Variants in WNK3 observed in about 807,000 individuals in gnomAD.
WNK3 encodes the protein serine/threonine-protein kinase WNK3.
A neutral mutation model predicts 116.7 loss-of-function variants in WNK3; 18 were observed. That is an observed-to-expected ratio of 0.15 (90% CI 0.11 to 0.23). WNK3 has a LOEUF of 0.23. Among genes scored for constraint, WNK3 ranks in the 10% least tolerant of loss-of-function variants. The pLI, the probability that WNK3 is intolerant of heterozygous loss-of-function variation, is 1.00. For synonymous variants in WNK3, 404 were observed against 469.4 expected (o/e 0.86, Z 1.80); for missense variants, 993 against 1,323.8 (o/e 0.75, Z 3.88).
At chrX:54,234,705 A>G (rs1312976675) in intron 20 of WNK3, among the ~76,000 whole-genome samples, 3 of 109,494 alleles carry the variant, frequency 2.7e-5, no homozygotes, top group Non-Finnish European at 3.8e-5. Flanking sequence ...GGGTGCCTAT[A>G]GTCCCAGCTA....
chrX:54,307,205 G>A (rs1246988445), intron 5 of WNK3, among the ~76,000 whole-genome samples: 6 of 100,519 alleles, frequency 6.0e-5, no homozygotes, highest in African/African-American at 1.5e-4. Flanking sequence ...AAAGCCTGGC[G>A]ACAGACTGTG....
At chrX:54,346,315 C>T (rs1179928906) in intron 1 of WNK3, among the ~76,000 whole-genome samples, 6 of 99,226 alleles carry the variant, frequency 6.0e-5, no homozygotes, top group African/African-American at 1.5e-4. Context: ...AACACAGGCT[C>T]GGTCGGCCGG....
exon 24 of WNK3, chrX:54,195,658 T>C (rs1269344131): frequency 2.7e-5 from 3 of 111,533 alleles, no homozygotes; most frequent in African/African-American, 9.7e-5. Flanking sequence ...CTCACTTTTT[T>C]CTGTATTTTT....
chrX:54,298,876 G>A (rs1472288623), intron 6 of WNK3, among the ~76,000 whole-genome samples: 4 of 112,049 alleles, frequency 3.6e-5, no homozygotes, highest in African/African-American at 1.3e-4. Flanking sequence ...CTCTTTTTAC[G>A]AATGTTATAA....
At chrX:54,346,737 G>C (rs1201479958) in intron 1 of WNK3, among the ~76,000 whole-genome samples, 6 of 111,105 alleles carry the variant, frequency 5.4e-5, no homozygotes, top group African/African-American at 1.6e-4. Flanking sequence ...TTGCATTTGT[G>C]AAGTCTCACA....
chrX:54,214,970 G>A (rs1351408681), intron 22 of WNK3, among the ~76,000 whole-genome samples: 1 of 108,690 alleles, frequency 9.2e-6, no homozygotes, highest in Non-Finnish European at 1.9e-5. Flanking sequence ...CCAAGATCAC[G>A]CCACTACGTG....
chrX:54,261,128 C>T (rs782510969), intron 10 of WNK3, among the ~76,000 whole-genome samples: 5 of 110,480 alleles, frequency 4.5e-5, no homozygotes, highest in Non-Finnish European at 9.5e-5. Flanking sequence ...AATATTCTGC[C>T]TGGGCATGGT....
intron 10 of WNK3, among the ~76,000 whole-genome samples, chrX:54,263,938 G>T (rs1291682938): frequency 9.2e-6 from 1 of 108,734 alleles, no homozygotes; most frequent in Admixed American, 9.9e-5. Context: ...GCCCAGACTG[G>T]AGTACAGCCC....
At chrX:54,318,612 G>A (rs1357661475) in intron 2 of WNK3, among the ~76,000 whole-genome samples, 2 of 107,988 alleles carry the variant, frequency 1.9e-5, no homozygotes, top group Non-Finnish European at 3.8e-5. Context: ...GAGGCAGGAG[G>A]ATCACTTGAG....
chrX:54,341,841 T>C (rs2069329931), intron 1 of WNK3, among the ~76,000 whole-genome samples: 1 of 111,918 alleles, frequency 8.9e-6, no homozygotes, highest in Admixed American at 9.6e-5. Flanking sequence ...TCAGGGATGA[T>C]GGTAATGAAC....
Position 54,334,072 on chromosome X carries a change from A to G in WNK3, c.-119-280T>C, listed in dbSNP as rs782341386. Among the ~76,000 whole-genome samples the G allele has an allele frequency of 5.4e-5, 6 of 110,581 alleles. No homozygotes were observed. In the South Asian group the frequency reaches 2.4e-3, roughly 44 times the overall value. The stretch of plus-strand genomic sequence containing the variant: ...TCTCAGCTCCATCTGTCAATCCATC[A>G]AATTCAAAATGAGTACCCAAACCCT... On this transcript the variant is annotated intron_variant, in intron 1 of 23. Coordinates refer to ENST00000354646, the Ensembl canonical transcript of WNK3.
At chrX:54,348,181 A>G (rs148028299) in intron 1 of WNK3, among the ~76,000 whole-genome samples, 1,940 of 109,352 alleles carry the variant, frequency 0.018, 48 homozygotes, top group African/African-American at 0.062. Flanking sequence ...GCTAGATCAA[A>G]GGAAATTTTT....
chrX:54,228,893 C>T (rs982583987), intron 21 of WNK3, 150 bp from the exon 22 acceptor site: 12 of 349,552 alleles, frequency 3.4e-5, no homozygotes, highest in Non-Finnish European at 6.2e-5. Context: ...TGGCAAAAGA[C>T]AGAAGGCTTT....
intron 1 of WNK3, among the ~76,000 whole-genome samples, chrX:54,344,232 A>G (rs1448286617): frequency 2.7e-5 from 3 of 111,513 alleles, no homozygotes; most frequent in Non-Finnish European, 5.7e-5. Flanking sequence ...TCACGAGGTC[A>G]GGAGATCGAG....
At chrX:54,220,418 G>A (rs1314239037) in intron 22 of WNK3, among the ~76,000 whole-genome samples, 1 of 110,174 alleles carries the variant, frequency 9.1e-6, no homozygotes, top group Non-Finnish European at 1.9e-5. Context: ...GGGCATGGTA[G>A]TGTGTACCTG....
chrX:54,315,954 C>T (rs1557170860), intron 2 of WNK3, among the ~76,000 whole-genome samples: 1 of 111,031 alleles, frequency 9.0e-6, no homozygotes, highest in African/African-American at 3.3e-5. Context: ...AGCTAACTCT[C>T]TCTCCTACTC....
rs1603381689 is a variant in WNK3 at position 54,250,008 on chromosome X, C to T, written c.2699G>A (p.Arg900Gln). 6 of 1,200,677 alleles carry T rather than the reference C, an allele frequency of 5.0e-6. No homozygotes were observed. Among genetic ancestry groups the T allele is most frequent in the Non-Finnish European group, 6.7e-6 (6 of 891,499 alleles). ...GAAAAGCTTACTAGGAAGTGGATGT[C>T]GGCCAGGAACCGCAGACATGGAATG... Residue 900 changes from arginine to glutamine, a missense_variant, in exon 16 of 24, where the codon CGA becomes CAA. Coordinates refer to ENST00000354646, the Ensembl canonical transcript of WNK3.
At chrX:54,311,076 A>T in intron 3 of WNK3, 43 bp downstream of exon 3, 1 of 986,545 alleles carries the variant, frequency 1.0e-6, no homozygotes, top group African/African-American at 2.0e-5. Flanking sequence ...CCTGAAAATT[A>T]TTTCCAAATA....
At chrX:54,256,628 C>CAA (rs2068195815) in intron 11 of WNK3, among the ~76,000 whole-genome samples, 1 of 112,220 alleles carries the variant, frequency 8.9e-6, no homozygotes, top group Admixed American at 9.5e-5. Flanking sequence ...CTCTAAGTCT[C>CAA]AGACATCTTT....
Sources: allele counts gnomAD v4.1 joint callset (sites outside exome capture counted in the v4.1 genomes callset), GRCh38; gene constraint gnomAD v4.1.1; transcripts MANE v1.5; gene names NCBI Gene and HGNC (gene_info 2026-07-23, HGNC 2026-07-21).